ARNT2: variants seen among roughly 807,000 people sequenced by gnomAD.
The protein encoded by ARNT2 is ARNT protein 2.
Under a neutral mutation model 91.7 loss-of-function variants are expected in ARNT2, and 36 were observed. The ratio of observed to expected loss-of-function variants is 0.39; its 90% CI spans 0.30 to 0.52. The LOEUF (loss-of-function observed/expected upper bound fraction) is 0.52, where lower values mean the gene tolerates loss of function less well. ARNT2 is among the 20% of genes least tolerant of loss of function. The probability of loss-of-function intolerance (pLI) is 0.72; values close to 1 mark genes in which losing one functional copy is unlikely to be tolerated. For synonymous variants in ARNT2, 365 were observed against 347.1 expected (o/e 1.05, Z -0.57); for missense variants, 775 against 939.3 (o/e 0.83, Z 2.29).
intron 3 of ARNT2, among the ~76,000 whole-genome samples, chr15:80,468,810 C>T (rs1465215228): frequency 3.9e-5 from 6 of 152,224 alleles, no homozygotes; most frequent in Non-Finnish European, 8.8e-5. Flanking sequence ...TCTACCACTC[C>T]TCCCCTCATG....
chr15:80,468,039 G>A (rs1386942141), intron 3 of ARNT2, among the ~76,000 whole-genome samples: 1 of 151,862 alleles, frequency 6.6e-6, no homozygotes, highest in Non-Finnish European at 1.5e-5. Context: ...TTCTTCTCTG[G>A]TTACCTCTAT....
intron 17 of ARNT2, among the ~76,000 whole-genome samples, chr15:80,587,817 A>C (rs936379934): frequency 6.6e-6 from 1 of 152,208 alleles, no homozygotes; most frequent in Non-Finnish European, 1.5e-5. Context: ...ATGTAACTGC[A>C]TGTGGCTCAT....
At chr15:80,511,480 G>A (rs1201296811) in intron 6 of ARNT2, among the ~76,000 whole-genome samples, 3 of 151,720 alleles carry the variant, frequency 2.0e-5, no homozygotes, top group African/African-American at 7.3e-5. Context: ...CCCATGACAC[G>A]AGTTTACCTG....
chr15:80,505,437 A>T (rs1436691716), intron 5 of ARNT2, among the ~76,000 whole-genome samples: 1 of 152,246 alleles, frequency 6.6e-6, no homozygotes, highest in East Asian at 1.9e-4. Flanking sequence ...AGTAGAATTG[A>T]TGGAATATTG....
intron 3 of ARNT2, among the ~76,000 whole-genome samples, chr15:80,464,321 G>T (rs1258448047): frequency 5.9e-5 from 9 of 151,836 alleles, no homozygotes; most frequent in African/African-American, 2.2e-4. Flanking sequence ...TTGGGGGCTG[G>T]GGGTGGGGGG....
At chr15:80,536,867 C>A (rs183834483) in intron 8 of ARNT2, among the ~76,000 whole-genome samples, 4 of 152,064 alleles carry the variant, frequency 2.6e-5, no homozygotes. Context: ...GGGTAATTTC[C>A]AGATGAATGA....
intron 15 of ARNT2, among the ~76,000 whole-genome samples, chr15:80,579,752 C>G (rs1898757075): frequency 6.6e-6 from 1 of 152,160 alleles, no homozygotes; most frequent in Non-Finnish European, 1.5e-5. Context: ...ACAGACAGTG[C>G]CTGCCGAGGA....
chr15:80,417,883 C>T (rs1895809267), intron 1 of ARNT2, among the ~76,000 whole-genome samples: 1 of 152,180 alleles, frequency 6.6e-6, no homozygotes, highest in South Asian at 2.1e-4. Context: ...ATTGCATGAC[C>T]TGGTGGACCA....
At chr15:80,529,452 T>C (rs1397702637) in intron 8 of ARNT2, among the ~76,000 whole-genome samples, 1 of 152,114 alleles carries the variant, frequency 6.6e-6, no homozygotes, top group African/African-American at 2.4e-5. Flanking sequence ...ATTAGCTTTG[T>C]AGAGAAGTCT....
At chr15:80,513,031 C>T (rs1897368197) in intron 6 of ARNT2, among the ~76,000 whole-genome samples, 1 of 152,238 alleles carries the variant, frequency 6.6e-6, no homozygotes, top group South Asian at 2.1e-4. Flanking sequence ...CCTGTGAAGA[C>T]CACACTAGTG....
intron 12 of ARNT2, among the ~76,000 whole-genome samples, chr15:80,567,135 C>A (rs962995217): frequency 2.6e-5 from 4 of 152,092 alleles, no homozygotes; most frequent in Non-Finnish European, 5.9e-5. Context: ...CATGGTGCTT[C>A]CTTTGTTCAA....
intron 1 of ARNT2, among the ~76,000 whole-genome samples, chr15:80,429,247 T>C (rs1007657132): frequency 2.0e-5 from 3 of 152,184 alleles, no homozygotes; most frequent in Non-Finnish European, 2.9e-5. Flanking sequence ...GGCTGGGCCG[T>C]GCTCTGTGCA....
At chr15:80,535,568 C>T (rs1566995610) in intron 8 of ARNT2, among the ~76,000 whole-genome samples, 1 of 152,086 alleles carries the variant, frequency 6.6e-6, no homozygotes, top group Non-Finnish European at 1.5e-5. Flanking sequence ...TGCTGTGTGC[C>T]CATTTTTCTA....
intron 8 of ARNT2, among the ~76,000 whole-genome samples, chr15:80,538,351 A>G (rs1273132971): frequency 6.6e-5 from 10 of 152,194 alleles, no homozygotes; most frequent in Non-Finnish European, 1.3e-4. Context: ...TTAATAATGG[A>G]TTTTCAAAAT....
intron 1 of ARNT2, among the ~76,000 whole-genome samples, chr15:80,439,272 G>T (rs949041456): frequency 2.0e-5 from 3 of 152,180 alleles, no homozygotes; most frequent in Non-Finnish European, 4.4e-5. Flanking sequence ...TAGTATTGAT[G>T]TTGTTATGCT....
rs960617409 is a variant in ARNT2, at chr15:80,404,780, C to T, written c.31+234C>T. 2.6e-5 allele frequency among the ~76,000 whole-genome samples: 4 copies of T among 152,112 alleles called. No individual in the cohort carries two copies. Among genetic ancestry groups the T allele is most frequent in the Non-Finnish European group, 4.4e-5 (3 of 67,980 alleles). Reference sequence around the variant, plus strand: ...GCGCCGGTCCGGACCCGCGGGCGGCCGGACGCTGGCCTCGCATCCTCGGGA... The same window carrying T: ...GCGCCGGTCCGGACCCGCGGGCGGCTGGACGCTGGCCTCGCATCCTCGGGA... On this transcript the variant is annotated intron_variant, in intron 1 of 18. Coordinates refer to ENST00000303329, the MANE Select transcript of ARNT2 (RefSeq NM_014862.4). The surrounding 1 kb of genome is among the most constrained non-coding windows in gnomAD (Gnocchi z 5.5).
At position 80,544,475 on chromosome 15, in the gene ARNT2, G is replaced by A. The variant is rs143494245; in HGVS notation, c.878-6724G>A. On this transcript the variant is annotated intron_variant, in intron 8 of 18. Coordinates refer to ENST00000303329, the MANE Select transcript of ARNT2 (RefSeq NM_014862.4). Reference sequence around the variant, plus strand: ...ATTTGTTTTGTTTTTTTCTTTGTTTGTGTGTGTTTGTTTCTGACAAGAAGG... The same window carrying A: ...ATTTGTTTTGTTTTTTTCTTTGTTTATGTGTGTTTGTTTCTGACAAGAAGG... Among the ~76,000 whole-genome samples, 28 of 152,064 alleles carry A rather than the reference G, an allele frequency of 1.8e-4. No homozygotes were observed. The East Asian group carries it at 4.8e-3, about 26-fold the overall frequency.
intron 2 of ARNT2, among the ~76,000 whole-genome samples, chr15:80,455,819 CTG>C (rs1412314445): frequency 6.6e-6 from 1 of 152,196 alleles, no homozygotes; most frequent in Non-Finnish European, 1.5e-5. Context: ...TTAAAGATAA[CTG>C]TATGTCTCAC....
intron 12 of ARNT2, among the ~76,000 whole-genome samples, chr15:80,570,313 T>C (rs948881573): frequency 2.0e-5 from 3 of 152,200 alleles, no homozygotes; most frequent in African/African-American, 7.2e-5. Flanking sequence ...ATCTACACTT[T>C]CCTCATATGT....
Sources: gnomAD v4.1 joint callset for allele counts (sites outside exome capture counted in the v4.1 genomes callset) on GRCh38, gnomAD v4.1.1 for gene constraint, Gnocchi (gnomAD v3.1) non-coding constraint, MANE v1.5 for transcripts, NCBI Gene and HGNC (gene_info 2026-07-23, HGNC 2026-07-21) for gene names.